Variants in FER1L6 observed in about 807,000 individuals in gnomAD.
FER1L6 encodes fer-1-like protein 6.
Under a neutral mutation model 219.2 loss-of-function variants are expected in FER1L6, and 177 were observed. The ratio of observed to expected loss-of-function variants is 0.81; its 90% CI spans 0.71 to 0.91. The LOEUF (loss-of-function observed/expected upper bound fraction) is 0.91. Ranked by LOEUF, FER1L6 falls within the 40% of genes least tolerant of loss-of-function variation. FER1L6 has a pLI of 0.00. For missense variants in FER1L6, 2,153 were observed against 2,259.9 expected (o/e 0.95, Z 0.96); for synonymous variants, 768 against 824.3 (o/e 0.93, Z 1.17).
intron 10 of FER1L6, among the ~76,000 whole-genome samples, chr8:123,978,573 CA>C (rs1816192942): frequency 6.6e-6 from 1 of 152,216 alleles, no homozygotes; most frequent in East Asian, 1.9e-4. Flanking sequence ...CTCTGTGCTA[CA>C]AATTTATACT....
chr8:123,975,513 G>A (rs190745385), intron 8 of FER1L6, among the ~76,000 whole-genome samples: 2 of 152,156 alleles, frequency 1.3e-5, no homozygotes, highest in Non-Finnish European at 2.9e-5. Flanking sequence ...GACAAGAACT[G>A]TCTGTCTTCC....
intron 2 of FER1L6, among the ~76,000 whole-genome samples, chr8:123,960,210 C>A (rs1815210070): frequency 6.6e-6 from 1 of 152,120 alleles, no homozygotes; most frequent in African/African-American, 2.4e-5. Context: ...GAATTTGAAC[C>A]CAAATCTTTT....
intron 19 of FER1L6, 129 bp from the exon 20 acceptor site, chr8:124,039,753 G>T: frequency 1.7e-6 from 2 of 1,143,298 alleles, no homozygotes; most frequent in Non-Finnish European, 2.5e-6. Flanking sequence ...GAGGAGGGTG[G>T]ATGTGGCTGG....
intron 17 of FER1L6, 149 bp from the exon 18 acceptor site, chr8:124,023,295 T>C: frequency 6.8e-6 from 5 of 736,048 alleles, no homozygotes; most frequent in Non-Finnish European, 8.8e-6. Flanking sequence ...ATGGCATAGA[T>C]GTTTCAGTGC....
chr8:124,056,096 C>A lies in FER1L6; in HGVS notation c.2875-4084C>A, dbSNP rs553714203. On this transcript the variant is annotated intron_variant, in intron 22 of 40. Coordinates refer to ENST00000522917, the MANE Select transcript of FER1L6 (RefSeq NM_001039112.2). The stretch of plus-strand genomic sequence containing the variant: ...CCACCCAGATAAACCAAGATAAACT[C>A]CTCATTCCAAGAGCCTTAATTTAAT... 2.0e-5 allele frequency among the ~76,000 whole-genome samples: 3 copies of A among 152,340 alleles called. No homozygotes were observed. In the South Asian group the frequency reaches 6.2e-4, roughly 32 times the overall value.
chr8:124,068,936 CTT>C (rs528179923), intron 28 of FER1L6, among the ~76,000 whole-genome samples: 17 of 139,420 alleles, frequency 1.2e-4, no homozygotes, highest in South Asian at 4.6e-4. Context: ...GTTACTATTT[CTT>C]TTTTTTTTTT....
Position 124,101,154 on chromosome 8 carries a change from G to A in FER1L6, c.4941G>A (p.Leu1647=). Residue 1647 remains leucine (L), a synonymous_variant, in exon 38 of 41, where the codon CTG becomes CTA. Coordinates refer to ENST00000522917, the MANE Select transcript of FER1L6 (RefSeq NM_001039112.2). ...KQETDVHYNS[L]TGEGNFNWRF... is the part of the protein sequence containing the mutation. ...AGACAGATGTGCATTACAACTCCCTGACTGGAGAGGGCAACTTCAACTGGC... is the reference window on the plus strand; with the variant it reads ...AGACAGATGTGCATTACAACTCCCTAACTGGAGAGGGCAACTTCAACTGGC... 6.2e-7 allele frequency: 1 copy of A among 1,613,842 alleles called. No homozygotes were observed. The highest frequency in any genetic ancestry group is 8.5e-7 in the Non-Finnish European group (1 of 1,179,916).
intron 18 of FER1L6, among the ~76,000 whole-genome samples, chr8:124,026,649 A>C (rs6981778): frequency 0.59 from 89,124 of 151,854 alleles, 26,691 homozygotes; most frequent in African/African-American, 0.67. Flanking sequence ...ACATGGCAGC[A>C]GGTAGCTAAA....
rs373161938 is a variant in FER1L6 at position 124,039,904 on chromosome 8, G to C, written c.2487G>C (p.Arg829Ser). 3 of 1,614,082 alleles carry C rather than the reference G, an allele frequency of 1.9e-6. No homozygotes were observed. The Admixed American group carries it at 5.0e-5, about 27-fold the overall frequency. Residue 829 changes from arginine to serine, a missense_variant, in exon 20 of 41, where the codon AGG becomes AGC. Physicochemically the swap from Arg to Ser is moderately radical, Grantham distance 110 (BLOSUM62 -1). Transcript: ENST00000522917. ...LYQEQHVFQL[R>S]AHMYQARGLI... ...CAGAACAGCATGTTTTTCAGCTGAG[G>C]GCTCACATGTACCAAGCCCGGGGCC... is the stretch of plus-strand genomic sequence containing the variant.
chr8:124,035,531 T>G (rs148835784), intron 19 of FER1L6, 77 bp downstream of exon 19: 1,112 of 1,440,170 alleles, frequency 7.7e-4, no homozygotes, highest in African/African-American at 2.2e-3. Flanking sequence ...GAGGGCAGCA[T>G]GCATGAGTTT....
chr8:124,006,519 T>C (rs1168478836), intron 13 of FER1L6, among the ~76,000 whole-genome samples: 2 of 152,234 alleles, frequency 1.3e-5, no homozygotes, highest in Non-Finnish European at 2.9e-5. Flanking sequence ...TGCATGCATG[T>C]GCACATATAT....
chr8:124,018,458 T>G (rs1008859803), intron 16 of FER1L6, among the ~76,000 whole-genome samples: 1 of 152,200 alleles, frequency 6.6e-6, no homozygotes, highest in South Asian at 2.1e-4. Flanking sequence ...TCCTCATCCA[T>G]CCTTCGTCCC....
At chr8:124,043,263 C>T (rs947877353) in intron 20 of FER1L6, among the ~76,000 whole-genome samples, 2 of 152,146 alleles carry the variant, frequency 1.3e-5, no homozygotes, top group African/African-American at 2.4e-5. Context: ...TAGGTGCTAA[C>T]CCCATTTAAA....
intron 1 of FER1L6, among the ~76,000 whole-genome samples, chr8:123,927,159 C>T (rs944745074): frequency 1.9e-5 from 2 of 103,200 alleles, no homozygotes; most frequent in African/African-American, 8.0e-5. Flanking sequence ...AGTCAGCAGG[C>T]AGGAAAAAAA....
chr8:123,929,277 G>A (rs144250111), intron 1 of FER1L6, among the ~76,000 whole-genome samples: 5 of 152,302 alleles, frequency 3.3e-5, no homozygotes, highest in African/African-American at 1.2e-4. Flanking sequence ...CAGGGCTTTC[G>A]TTTGGTGCTC....
At chr8:124,010,571 TC>T in intron 13 of FER1L6, 22 bp from the exon 14 acceptor site, 1 of 1,612,820 alleles carries the variant, frequency 6.2e-7, no homozygotes, top group Non-Finnish European at 8.5e-7. Context: ...CCAGCTAACT[TC>T]CAGACCTAAT....
rs145461459 is a variant in FER1L6 at position 124,035,461 on chromosome 8, T to C, written c.2464+7T>C. 2.5e-6 allele frequency: 4 copies of C among 1,609,956 alleles called. No homozygotes were observed. In the Admixed American group the frequency reaches 5.0e-5, roughly 20 times the overall value. On this transcript the variant is annotated splice_region_variant and intron_variant, in intron 19 of 40. Coordinates refer to ENST00000522917, the MANE Select transcript of FER1L6 (RefSeq NM_001039112.2). ...TCTAACCTGCTCTACCAAGGTAGGG[T>C]CCCCACTGGGCAAAGAGGGTCATTC...
At chr8:124,058,387 C>T (rs189411890) in intron 22 of FER1L6, among the ~76,000 whole-genome samples, 3 of 152,332 alleles carry the variant, frequency 2.0e-5, no homozygotes, top group Admixed American at 1.3e-4. Context: ...CCATTTCTTA[C>T]TATTTTGTCT....
chr8:123,962,566 A>G (rs1815338593), intron 2 of FER1L6, among the ~76,000 whole-genome samples: 2 of 152,142 alleles, frequency 1.3e-5, no homozygotes, highest in Admixed American at 1.3e-4. Flanking sequence ...AGGAAGTATA[A>G]TGAGGTATGC....
Sources: gnomAD v4.1 joint callset for allele counts (sites outside exome capture counted in the v4.1 genomes callset) on GRCh38, gnomAD v4.1.1 for gene constraint, MANE v1.5 for transcripts, NCBI Gene and HGNC (gene_info 2026-07-23, HGNC 2026-07-21) for gene names.